Variants in PIEZO2 observed in about 807,000 individuals in gnomAD.
The protein encoded by PIEZO2 is piezo type mechanosensitive ion channel component 2, also known as piezo-type mechanosensitive ion channel component 2.
A neutral mutation model predicts 337.3 loss-of-function variants in PIEZO2; 172 were observed. The observed-to-expected ratio is 0.51, with a 90% CI of 0.45 to 0.58. The LOEUF is 0.58. Among genes scored for constraint, PIEZO2 ranks in the 20% least tolerant of loss-of-function variants. The pLI, the probability that PIEZO2 is intolerant of heterozygous loss-of-function variation, is 0.00. For missense variants in PIEZO2, 3,028 were observed against 3,391.3 expected, an observed-to-expected ratio of 0.89 and a Z score of 2.66; for synonymous variants, 1,251 against 1,228.5, an observed-to-expected ratio of 1.02 and a Z score of -0.38.
At chr18:11,144,102 G>A (rs4430815) in intron 1 of PIEZO2, among the ~76,000 whole-genome samples, 93 of 152,300 alleles carry the variant, frequency 6.1e-4, no homozygotes, top group Non-Finnish European at 1.1e-3. Flanking sequence ...GAAGTCCAAA[G>A]CCATCTGCTT....
intron 7 of PIEZO2, among the ~76,000 whole-genome samples, chr18:10,810,067 G>A (rs1198864811): frequency 3.3e-5 from 5 of 152,142 alleles, no homozygotes; most frequent in Non-Finnish European, 7.4e-5. Flanking sequence ...TCCTAGGCCC[G>A]ATTCTACTGA....
At chr18:10,779,701 T>C (rs1361879236) in intron 18 of PIEZO2, among the ~76,000 whole-genome samples, 1 of 152,240 alleles carries the variant, frequency 6.6e-6, no homozygotes, top group Non-Finnish European at 1.5e-5. Flanking sequence ...CTACTTTCTT[T>C]TCATTTAGGA....
Position 11,139,121 on chromosome 18 carries a change from C to T in PIEZO2, c.64+9404G>A, listed in dbSNP as rs371357064. ...TATTTACCGTATGTCGGGCACTGCT[C>T]GAAGCACTCTATAAGCACTGACATC... is the stretch of plus-strand genomic sequence containing the variant. On this transcript the variant is annotated intron_variant, in intron 1 of 55. Transcript: ENST00000674853. 7.1e-4 allele frequency among the ~76,000 whole-genome samples: 108 copies of T among 152,304 alleles called. 1 individual carries two copies. Among genetic ancestry groups the T allele is most frequent in the Middle Eastern group, 3.4e-3 (1 of 294 alleles).
rs1249789695 is a variant in PIEZO2, at chr18:10,837,372, C to G, written c.917+17981G>C. On this transcript the variant is annotated intron_variant, in intron 7 of 55. Coordinates refer to ENST00000674853, the MANE Select transcript of PIEZO2 (RefSeq NM_001378183.1). This position sits in a 1 kb window ranked among gnomAD's most constrained non-coding sequence, Gnocchi z 4.4. Reference sequence around the variant, plus strand: ...CTGAGAATACCTTTTCCAACTGCAGCCATCTTGCCTCTCTCACCTTCCATA... The same window carrying G: ...CTGAGAATACCTTTTCCAACTGCAGGCATCTTGCCTCTCTCACCTTCCATA... Among the ~76,000 whole-genome samples the G allele has an allele frequency of 6.6e-6, 1 of 152,190 alleles. No individual in the cohort carries two copies. The highest frequency in any genetic ancestry group is 1.9e-4 in the East Asian group (1 of 5,198).
intron 1 of PIEZO2, among the ~76,000 whole-genome samples, chr18:11,074,214 A>G (rs2038447509): frequency 6.6e-6 from 1 of 152,032 alleles, no homozygotes; most frequent in Admixed American, 6.6e-5. Context: ...AAGCACATTC[A>G]TTCCTTTTCA....
intron 3 of PIEZO2, among the ~76,000 whole-genome samples, chr18:10,920,846 A>G (rs1300402979): frequency 2.0e-5 from 3 of 152,298 alleles, no homozygotes; most frequent in Non-Finnish European, 4.4e-5. Context: ...TGAGGTCAGG[A>G]GTTTGAGACC....
At chr18:11,041,748 C>A (rs994628018) in intron 2 of PIEZO2, among the ~76,000 whole-genome samples, 1 of 152,162 alleles carries the variant, frequency 6.6e-6, no homozygotes, top group Non-Finnish European at 1.5e-5. Context: ...AATGTAAATG[C>A]TATACAAATT....
At chr18:10,768,697 T>A (rs2038468238) in intron 21 of PIEZO2, among the ~76,000 whole-genome samples, 1 of 152,220 alleles carries the variant, frequency 6.6e-6, no homozygotes. Flanking sequence ...GGTGATACTC[T>A]ATGGAAGGCT....
rs59199219 is a variant in PIEZO2 at position 10,829,931 on chromosome 18, G to GA, written c.918-22658dup. 2.4e-3 allele frequency among the ~76,000 whole-genome samples: 327 copies of GA among 136,628 alleles called. 1 individual carries two copies. The highest frequency in any genetic ancestry group is 5.6e-3 in the African/African-American group (210 of 37,542). 89.6% of individuals were successfully genotyped at this position (136,628 alleles called of 152,430 possible). A position where few individuals can be genotyped will look rare whatever the true frequency, so the allele number is the denominator to read the frequency against. ...AGTAATGACATTCTTCACAGAAGTA[G>GA]AAAAAAAAAAAAGCCCTAAGATTTA... On this transcript the variant is annotated intron_variant, in intron 7 of 55. Transcript: ENST00000674853.
chr18:11,138,546 C>T (rs1175044879), intron 1 of PIEZO2, among the ~76,000 whole-genome samples: 1 of 152,208 alleles, frequency 6.6e-6, no homozygotes, highest in Non-Finnish European at 1.5e-5. Context: ...CCACCTTCCT[C>T]AGCCTCCCAA....
chr18:10,900,210 C>CAA (rs1214720993), intron 4 of PIEZO2, among the ~76,000 whole-genome samples: 8 of 139,396 alleles, frequency 5.7e-5, no homozygotes, highest in Non-Finnish European at 9.5e-5. Flanking sequence ...CACACACACA[C>CAA]AAACACCTAA....
intron 2 of PIEZO2, among the ~76,000 whole-genome samples, chr18:10,998,710 C>A (rs1282150662): frequency 6.6e-6 from 1 of 151,712 alleles, no homozygotes; most frequent in Non-Finnish European, 1.5e-5. Context: ...ACTATTTTTT[C>A]TGTGATTATT....
chr18:10,848,631 A>C (rs1212199691), intron 7 of PIEZO2, among the ~76,000 whole-genome samples: 2 of 152,132 alleles, frequency 1.3e-5, no homozygotes, highest in Non-Finnish European at 2.9e-5. Flanking sequence ...AAGCAGCAAA[A>C]CAACAAACTG....
chr18:11,103,222 T>G (rs951511579), intron 1 of PIEZO2, among the ~76,000 whole-genome samples: 1 of 152,244 alleles, frequency 6.6e-6, no homozygotes, highest in African/African-American at 2.4e-5. Context: ...TAGTAATTGA[T>G]GCTTAGATTA....
chr18:11,090,909 G>A, intron 1 of PIEZO2, among the ~76,000 whole-genome samples: 1 of 84,022 alleles, frequency 1.2e-5, no homozygotes, highest in Non-Finnish European at 2.2e-5. Context: ...GCGAGACTCC[G>A]TCTAAAAAAA....
At chr18:10,729,657 A>C (rs1013574189) in intron 36 of PIEZO2, among the ~76,000 whole-genome samples, 5 of 151,986 alleles carry the variant, frequency 3.3e-5, no homozygotes, top group African/African-American at 1.2e-4. Flanking sequence ...AACAAAATAC[A>C]ACAGATGAGG....
chr18:10,774,138 T>C (rs1269598154), intron 18 of PIEZO2, 100 bp from the exon 19 acceptor site: 1 of 684,690 alleles, frequency 1.5e-6, no homozygotes, highest in East Asian at 2.7e-5. Context: ...TATCATCCAC[T>C]ATTGCATTCC....
intron 21 of PIEZO2, among the ~76,000 whole-genome samples, chr18:10,765,024 A>T (rs146824297): frequency 0.011 from 1,602 of 152,308 alleles, 22 homozygotes; most frequent in African/African-American, 0.037. Flanking sequence ...ATTTATTCAG[A>T]ACTTTTAATT....
chr18:10,963,222 T>A (rs1483947439), intron 3 of PIEZO2, among the ~76,000 whole-genome samples: 2 of 151,814 alleles, frequency 1.3e-5, no homozygotes, highest in Admixed American at 1.3e-4. Flanking sequence ...GAGGTGGAGG[T>A]TGCAGTGAGC....
Sources: gnomAD v4.1 joint callset for allele counts (sites outside exome capture counted in the v4.1 genomes callset) on GRCh38, gnomAD v4.1.1 for gene constraint, Gnocchi (gnomAD v3.1) non-coding constraint, MANE v1.5 for transcripts, NCBI Gene and HGNC (gene_info 2026-07-23, HGNC 2026-07-21) for gene names.